Variants in NR1I3 observed in about 807,000 individuals in gnomAD.
NR1I3 encodes the protein constitutive activator of retinoid response.
A neutral mutation model predicts 38.4 loss-of-function variants in NR1I3; 30 were observed. The ratio of observed to expected loss-of-function variants is 0.78; its 90% confidence interval spans 0.58 to 1.06. The LOEUF (loss-of-function observed/expected upper bound fraction) is 1.06. Among genes scored for constraint, NR1I3 ranks in the 50% least tolerant of loss-of-function variants. The pLI, the probability that NR1I3 is intolerant of heterozygous loss-of-function variation, is 0.00. For missense variants in NR1I3, 388 were observed against 435.7 expected (o/e 0.89, Z 0.97); for synonymous variants, 143 against 165.1 (o/e 0.87, Z 1.03).
chr1:161,236,474 C>A lies in NR1I3; in HGVS notation c.92G>T (p.Cys31Phe). ...YHFNALTCEG[C>F]KGFFRRTVSK... ...AGACTCTCACCTGAAGAAACCCTTG[C>A]AGCCCTCACAAGTCAGCGCATTAAA... is the stretch of plus-strand genomic sequence containing the variant. The change falls in exon 2 of 9, where the codon TGC (cysteine) becomes TTC (phenylalanine). Residue 31 changes from cysteine (C) to phenylalanine (F), a missense_variant. Cys to Phe is a radical substitution (Grantham distance 205, BLOSUM62 -2). Transcript: ENST00000367983. 6.2e-7 allele frequency: 1 copy of A among 1,614,156 alleles called. No individual in the cohort carries two copies. Among genetic ancestry groups the A allele is most frequent in the Non-Finnish European group, 8.5e-7 (1 of 1,180,016 alleles).
Position 161,231,169 on chromosome 1 carries a change from C to T in NR1I3, c.759G>A (p.Gln253=), listed in dbSNP as rs1667166565. 6.8e-6 allele frequency: 11 copies of T among 1,614,124 alleles called. No individual in the cohort carries two copies. In the East Asian group the frequency reaches 2.5e-4, roughly 36 times the overall value. The change falls in exon 7 of 9, where the codon CAG becomes CAA. Residue 253 remains glutamine (Q), a synonymous_variant. Transcript: ENST00000367983. Reference sequence around the variant, plus strand: ...AGAGCACATACTCAGGCTCTTGGAGCTGCAGTTTTCGTAGTGTTCCATGGA... The same window carrying T: ...AGAGCACATACTCAGGCTCTTGGAGTTGCAGTTTTCGTAGTGTTCCATGGA... ...FHFHGTLRKL[Q]LQEPEYVLLA...
Position 161,237,930 on chromosome 1 carries a change from C to T in NR1I3, c.-34+111G>A. ...AACTCCTGGGCTCAAGCGATCCCCC[C>T]ACCTTGGCCTCCCAAAGTGCTGGAA... is the stretch of plus-strand genomic sequence containing the variant. On this transcript the variant is annotated intron_variant, in intron 1 of 8. Transcript: ENST00000367983. 6.7e-6 allele frequency: 7 copies of T among 1,041,356 alleles called. No homozygotes were observed. The South Asian group carries it at 7.7e-5, about 11-fold the overall frequency. 64.5% of individuals were successfully genotyped at this position (1,041,356 alleles called of 1,614,324 possible). A position where few individuals can be genotyped will look rare whatever the true frequency, so the allele number is the denominator to read the frequency against.
Position 161,233,835 on chromosome 1 carries a change from A to ATGTG in NR1I3, c.239-498_239-497insCACA, listed in dbSNP as rs1441200424. Among the ~76,000 whole-genome samples the ATGTG allele has an allele frequency of 7.9e-3, 749 of 94,568 alleles. 1 individual carries two copies. The highest frequency in any genetic ancestry group is 0.028 in the African/African-American group (578 of 20,672). The allele number at this position is 94,568 out of a possible 152,430, so 62.0% of individuals were successfully genotyped here. A position where few individuals can be genotyped will look rare whatever the true frequency, so the allele number is the denominator to read the frequency against. On this transcript the variant is annotated intron_variant, in intron 3 of 8. Transcript: ENST00000367983. ...GGCAGGGCTGGTATTCATCATATAT[A>ATGTG]TATGTGTGTGTGTGTGTGTGTGTGT...
chr1:161,232,987 G>A (rs1288608091), intron 4 of NR1I3, 41 bp from the exon 5 acceptor site: 1 of 1,611,164 alleles, frequency 6.2e-7, no homozygotes, highest in Admixed American at 1.7e-5. Context: ...CTGGCCCTAG[G>A]GCCCTCCTTT....
intron 1 of NR1I3, 92 bp from the exon 2 acceptor site, chr1:161,236,690 A>C: frequency 2.3e-6 from 3 of 1,319,816 alleles, no homozygotes; most frequent in Non-Finnish European, 3.1e-6. Context: ...CAAACCAAAC[A>C]TGCCCTTGAC....
intron 1 of NR1I3, among the ~76,000 whole-genome samples, chr1:161,236,916 T>TTA (rs1558127837): frequency 1.5e-5 from 2 of 129,376 alleles, no homozygotes. Context: ...TATTTATTTA[T>TTA]TTTTTTTGTA....
intron 7 of NR1I3, 21 bp downstream of exon 7, chr1:161,231,096 T>C (rs1467218863): frequency 1.2e-6 from 2 of 1,614,124 alleles, no homozygotes; most frequent in Non-Finnish European, 1.7e-6. Context: ...CAAAAGGCTC[T>C]GGGCTTTGGG....
chr1:161,233,075 A>T (rs1667713629), intron 4 of NR1I3, 94 bp downstream of exon 4: 1 of 1,575,490 alleles, frequency 6.3e-7, no homozygotes, highest in Non-Finnish European at 8.7e-7. Flanking sequence ...ATCTGTTCTC[A>T]GTATCAGTGC....
At position 161,236,554 on chromosome 1, in the gene NR1I3, C is replaced by A; in HGVS notation, c.12G>T (p.Arg4Ser). Residue 4 changes from arginine (R) to serine (S), a missense_variant, in exon 2 of 9, where the codon AGG becomes AGT. Arg to Ser is a moderately radical substitution (Grantham distance 110). Transcript: ENST00000367983. MAS[R>S]EDELRNCVVC... ...CCACACAGTTCCTCAGCTCATCTTC[C>A]CTACTGGCCATGACGTCACGTGTTG... 6.2e-7 allele frequency: 1 copy of A among 1,614,104 alleles called. No individual in the cohort carries two copies. Among genetic ancestry groups the A allele is most frequent in the Non-Finnish European group, 8.5e-7 (1 of 1,180,022 alleles).
intron 1 of NR1I3, 77 bp downstream of exon 1, chr1:161,237,964 G>C: frequency 7.0e-7 from 1 of 1,418,824 alleles, no homozygotes; most frequent in Non-Finnish European, 9.9e-7. Context: ...AATGACACAC[G>C]TGAGCCACTA....
chr1:161,233,234 G>A lies in NR1I3; in HGVS notation c.343C>T (p.Arg115Trp), dbSNP rs376834028. 19 of 1,614,136 alleles carry A rather than the reference G, an allele frequency of 1.2e-5. No homozygotes were observed. Among genetic ancestry groups the A allele is most frequent in the East Asian group, 6.7e-5 (3 of 44,886 alleles). ...QLSKEQEELIRTLLGAHTRHM... is the reference protein window; with the variant it reads ...QLSKEQEELIWTLLGAHTRHM... ...CGGGTGTGGGCCCCCAGGAGTGTCC[G>A]GATCAGCTCTTCTTGCTCCTTACTC... The change falls in exon 4 of 9, where the codon CGG (arginine) becomes TGG (tryptophan). Residue 115 changes from arginine to tryptophan, a missense_variant. By Grantham distance (101) the Arg-to-Trp change is moderately radical (BLOSUM62 -3). Coordinates refer to ENST00000367983, the MANE Select transcript of NR1I3 (RefSeq NM_005122.5).
At position 161,230,761 on chromosome 1, in the gene NR1I3, C is replaced by T. The variant is rs187932767; in HGVS notation, c.917+52G>A. 2.7e-5 allele frequency: 44 copies of T among 1,611,878 alleles called. No individual in the cohort carries two copies. The African/African-American group carries it at 4.0e-4, about 15-fold the overall frequency. On this transcript the variant is annotated intron_variant, in intron 8 of 8. Coordinates refer to ENST00000367983, the MANE Select transcript of NR1I3 (RefSeq NM_005122.5). ...ATTCCTCCCAAGCTCAATGTTTCAC[C>T]AACCCCTTCCTGCCCTGGTGTGGCC...
intron 8 of NR1I3, chr1:161,230,605 A>C: frequency 1.5e-6 from 1 of 666,102 alleles, no homozygotes; most frequent in Admixed American, 3.0e-5. Flanking sequence ...AAATCTGGAA[A>C]AAGTGAGATG....
At position 161,229,818 on chromosome 1, in the gene NR1I3, C is replaced by A. The variant is rs141332323; in HGVS notation, c.1026G>T (p.Leu342=). The change falls in exon 9 of 9, where the codon CTG becomes CTT. Residue 342 remains leucine (L), a synonymous_variant. Coordinates refer to ENST00000367983, the MANE Select transcript of NR1I3 (RefSeq NM_005122.5). ...GGCCTCAGCTGCAGATCTCCTGGAGCAGCGGCATCATGGCAGACAGGCCCT... is the reference window on the plus strand; with the variant it reads ...GGCCTCAGCTGCAGATCTCCTGGAGAAGCGGCATCATGGCAGACAGGCCCT... ...HIQGLSAMMP[L]LQEICS The A allele has an allele frequency of 5.3e-5, 86 of 1,614,248 alleles. No homozygotes were observed. The African/African-American group carries it at 8.7e-4, about 16-fold the overall frequency.
chr1:161,231,569 C>A (rs1667289388), intron 5 of NR1I3, 95 bp from the exon 6 acceptor site: 1 of 1,266,698 alleles, frequency 7.9e-7, no homozygotes, highest in East Asian at 2.4e-5. Flanking sequence ...GGCGTGATCT[C>A]TGCTCACTGT....
At chr1:161,231,018 G>C in intron 7 of NR1I3, 99 bp downstream of exon 7, 1 of 1,612,870 alleles carries the variant, frequency 6.2e-7, no homozygotes, top group East Asian at 2.2e-5. Context: ...CTGCAGGTTT[G>C]ATAGCTAGGC....
chr1:161,236,068 T>C, intron 2 of NR1I3, 91 bp from the exon 3 acceptor site: 2 of 1,426,434 alleles, frequency 1.4e-6, no homozygotes, highest in Non-Finnish European at 1.9e-6. Flanking sequence ...GGGAATCTGG[T>C]GAAATGGACT....
At chr1:161,236,958 GT>G (rs1295050725) in intron 1 of NR1I3, among the ~76,000 whole-genome samples, 2 of 147,300 alleles carry the variant, frequency 1.4e-5, no homozygotes, top group Non-Finnish European at 3.0e-5. Flanking sequence ...GCCCAGGTTG[GT>G]TTTTTTGTTT....
chr1:161,238,066 C>T lies in NR1I3; in HGVS notation c.-59G>A. Reference sequence around the variant, plus strand: ...CTGCTTCTCTTAGGCAGCATGTCACCTGCAGGCCACAGAATCTGGTATGGA... The same window carrying T: ...CTGCTTCTCTTAGGCAGCATGTCACTTGCAGGCCACAGAATCTGGTATGGA... On this transcript the variant is annotated 5_prime_UTR_variant, in exon 1 of 9. Transcript: ENST00000367983. 1 of 1,614,028 alleles carries T rather than the reference C, an allele frequency of 6.2e-7. No homozygotes were observed.
Sources: gnomAD v4.1 joint callset for allele counts (sites outside exome capture counted in the v4.1 genomes callset) on GRCh38, gnomAD v4.1.1 for gene constraint, MANE v1.5 for transcripts, NCBI Gene and HGNC (gene_info 2026-07-23, HGNC 2026-07-21) for gene names.